Variants in HMCN2 observed in about 807,000 individuals in gnomAD.
The protein encoded by HMCN2 is hemicentin 2.
HMCN2 carries 325 observed loss-of-function variants against 377.5 expected under a neutral mutation model. The observed-to-expected ratio is 0.86, with a 90% CI of 0.79 to 0.94. HMCN2 has a LOEUF of 0.94. HMCN2 is among the 40% of genes least tolerant of loss of function. HMCN2 has a pLI of 0.00. For missense variants in HMCN2, 4,543 were observed against 4,725.3 expected, an observed-to-expected ratio of 0.96 and a Z score of 1.13; for synonymous variants, 2,007 against 2,046.8, an observed-to-expected ratio of 0.98 and a Z score of 0.53.
chr9:130,283,918 T>C (rs1477479644), intron 1 of HMCN2, among the ~76,000 whole-genome samples: 1 of 151,798 alleles, frequency 6.6e-6, no homozygotes, highest in African/African-American at 2.4e-5. Flanking sequence ...TTCATTTCTC[T>C]TGGGGACATA....
At chr9:130,400,970 G>A (rs1325945074) in intron 77 of HMCN2, 23 bp downstream of exon 77, 2 of 1,277,192 alleles carry the variant, frequency 1.6e-6, no homozygotes, top group East Asian at 5.7e-5. Flanking sequence ...AAGCCACAGA[G>A]AGAGGCAGCT....
chr9:130,403,468 C>A, intron 79 of HMCN2, 140 bp downstream of exon 79: 2 of 975,512 alleles, frequency 2.1e-6, no homozygotes, highest in Non-Finnish European at 2.7e-6. Context: ...CCCAGATACG[C>A]CCCCACCCTT....
At position 130,428,906 on chromosome 9, in the gene HMCN2, T is replaced by C. The variant is rs1470572965; in HGVS notation, c.14197+417T>C. ...ACAGTGGAACAGGTTCAGTCAGCCT[T>C]TGAGATAAAACTTAGGTGCCACCCC... is the stretch of plus-strand genomic sequence containing the variant. On this transcript the variant is annotated intron_variant, in intron 93 of 97. Transcript: ENST00000683500. This position sits in a 1 kb window ranked among gnomAD's most constrained non-coding sequence, Gnocchi z 5.0. Among the ~76,000 whole-genome samples, 1 of 152,180 alleles carries C rather than the reference T, an allele frequency of 6.6e-6. No homozygotes were observed. Among genetic ancestry groups the C allele is most frequent in the Admixed American group, 6.5e-5 (1 of 15,288 alleles).
At chr9:130,378,167 T>C (rs1484675874) in intron 53 of HMCN2, among the ~76,000 whole-genome samples, 1 of 151,854 alleles carries the variant, frequency 6.6e-6, no homozygotes, top group African/African-American at 2.4e-5. Context: ...GCCTCAATGG[T>C]TGAAACTGCC....
intron 19 of HMCN2, among the ~76,000 whole-genome samples, chr9:130,322,548 T>C (rs1490833237): frequency 6.6e-5 from 10 of 152,218 alleles, no homozygotes; most frequent in Non-Finnish European, 2.9e-5. Context: ...GGGATGATCA[T>C]GTCCCCTGAT....
Position 130,393,732 on chromosome 9 carries a change from C to A in HMCN2, c.10235-10C>A. 8.1e-7 allele frequency: 1 copy of A among 1,228,292 alleles called. No homozygotes were observed. Among genetic ancestry groups the A allele is most frequent in the South Asian group, 1.4e-5 (1 of 70,500 alleles). The allele number at this position is 1,228,292 out of a possible 1,614,324, so 76.1% of individuals were successfully genotyped here. ...AAAATGGTTCCTGCCCACCTTTCTG[C>A]CCTCCATAGTGCCCCCTGTCCTGGA... On this transcript the variant is annotated splice_polypyrimidine_tract_variant and intron_variant, in intron 67 of 97. Coordinates refer to ENST00000683500, the MANE Select transcript of HMCN2 (RefSeq NM_001291815.2). This position sits in a 1 kb window ranked among gnomAD's most constrained non-coding sequence, Gnocchi z 5.2.
intron 48 of HMCN2, among the ~76,000 whole-genome samples, chr9:130,373,691 AGATGGATGGATAGGTAGATGGATGGATG>A (rs1841194772): frequency 1.8e-5 from 1 of 54,094 alleles, no homozygotes; most frequent in Non-Finnish European, 4.9e-5. Flanking sequence ...ATGGATGGAT[AGATGGATGGATAGGTAGATGGATGGATG>A]GATGGATGGA....
rs373221850 is a variant in HMCN2 at position 130,351,162 on chromosome 9, C to T, written c.4431-261C>T. Among the ~76,000 whole-genome samples, 16 of 152,298 alleles carry T rather than the reference C, an allele frequency of 1.1e-4. No individual in the cohort carries two copies. Among genetic ancestry groups the T allele is most frequent in the African/African-American group, 3.1e-4 (13 of 41,568 alleles). ...CCTTTTGTGTCTGGCTTCTTCCACTCGGCATATTTTCCAGGTTCATCCATA... is the reference window on the plus strand; with the variant it reads ...CCTTTTGTGTCTGGCTTCTTCCACTTGGCATATTTTCCAGGTTCATCCATA... On this transcript the variant is annotated intron_variant, in intron 29 of 97. Coordinates refer to ENST00000683500, the MANE Select transcript of HMCN2 (RefSeq NM_001291815.2). The surrounding 1 kb of genome is among the most constrained non-coding windows in gnomAD (Gnocchi z 5.4).
At position 130,360,313 on chromosome 9, in the gene HMCN2, T is replaced by C. The variant is rs1840302973; in HGVS notation, c.5774-115T>C. On this transcript the variant is annotated intron_variant, in intron 37 of 97. Coordinates refer to ENST00000683500, the MANE Select transcript of HMCN2 (RefSeq NM_001291815.2). The surrounding 1 kb of genome is among the most constrained non-coding windows in gnomAD (Gnocchi z 4.7). ...CTTGCTTCTCTCTTCCATTCCCCCT[T>C]GCATCTCTCTTCCTTTCCCCCTTGC... 4 of 572,674 alleles carry C rather than the reference T, an allele frequency of 7.0e-6. No individual in the cohort carries two copies. Among genetic ancestry groups the C allele is most frequent in the Admixed American group, 4.2e-5 (1 of 23,928 alleles). The allele number at this position is 572,674 out of a possible 1,614,324, so 35.5% of individuals were successfully genotyped here.
intron 89 of HMCN2, 34 bp downstream of exon 89, chr9:130,425,164 G>T (rs1050904950): frequency 6.6e-7 from 1 of 1,504,462 alleles, no homozygotes. Context: ...TGCAGACAGG[G>T]TAGGTGAGAG....
At chr9:130,328,698 C>T (rs1296081628) in intron 22 of HMCN2, among the ~76,000 whole-genome samples, 1 of 152,178 alleles carries the variant, frequency 6.6e-6, no homozygotes, top group South Asian at 2.1e-4. Context: ...TCCGCAGACC[C>T]GGTGCCGAAC....
intron 25 of HMCN2, among the ~76,000 whole-genome samples, chr9:130,345,914 G>A (rs1009882060): frequency 3.2e-4 from 48 of 152,092 alleles, no homozygotes; most frequent in African/African-American, 1.1e-3. Flanking sequence ...TGATGCCAGT[G>A]TGCCTTCCAC....
chr9:130,417,771 C>CTGTG (rs1843776677), intron 85 of HMCN2, among the ~76,000 whole-genome samples: 1 of 152,202 alleles, frequency 6.6e-6, no homozygotes, highest in Non-Finnish European at 1.5e-5. Flanking sequence ...CTCCTGGCCT[C>CTGTG]CACAGTTTCT....
chr9:130,419,081 A>G, intron 86 of HMCN2, 40 bp downstream of exon 86: 1 of 1,452,080 alleles, frequency 6.9e-7, no homozygotes, highest in South Asian at 1.5e-5. Flanking sequence ...GGACAGAGGC[A>G]GGATCTCTTG....
At chr9:130,288,928 C>T (rs1308797468) in intron 4 of HMCN2, among the ~76,000 whole-genome samples, 1 of 152,178 alleles carries the variant, frequency 6.6e-6, no homozygotes, top group Non-Finnish European at 1.5e-5. Flanking sequence ...GCAACGTGGC[C>T]CCTTGAACCT....
At chr9:130,300,834 CTT>C (rs1554934133) in intron 8 of HMCN2, among the ~76,000 whole-genome samples, 3 of 152,222 alleles carry the variant, frequency 2.0e-5, no homozygotes, top group Admixed American at 2.0e-4. Flanking sequence ...AAGGGTGGAT[CTT>C]TGGCCTTTCA....
chr9:130,433,951 A>C lies in HMCN2; in HGVS notation c.*258A>C. ...CAGGGCCCGGGGAAGCCCGGATCAGACCTCCAGGTCTGATCCGCCCCTCAG... is the reference window on the plus strand; with the variant it reads ...CAGGGCCCGGGGAAGCCCGGATCAGCCCTCCAGGTCTGATCCGCCCCTCAG... On this transcript the variant is annotated 3_prime_UTR_variant, in exon 98 of 98. Transcript: ENST00000683500. 2 of 412,218 alleles carry C rather than the reference A, an allele frequency of 4.9e-6. No homozygotes were observed. Among genetic ancestry groups the C allele is most frequent in the Non-Finnish European group, 8.5e-6 (2 of 234,360 alleles). 25.5% of individuals were successfully genotyped at this position (412,218 alleles called of 1,614,324 possible).
chr9:130,298,146 G>A (rs1836268494), intron 7 of HMCN2, among the ~76,000 whole-genome samples: 1 of 152,162 alleles, frequency 6.6e-6, no homozygotes, highest in South Asian at 2.1e-4. Context: ...TAGAGACAGG[G>A]TTTTGCCATG....
At chr9:130,379,831 T>C (rs1841606508) in intron 54 of HMCN2, among the ~76,000 whole-genome samples, 1 of 152,236 alleles carries the variant, frequency 6.6e-6, no homozygotes, top group African/African-American at 2.4e-5. Flanking sequence ...CACACTGTGG[T>C]GGCTGAACTC....
Sources: gnomAD v4.1 joint callset for allele counts (sites outside exome capture counted in the v4.1 genomes callset) on GRCh38, gnomAD v4.1.1 for gene constraint, Gnocchi (gnomAD v3.1) non-coding constraint, MANE v1.5 for transcripts, NCBI Gene and HGNC (gene_info 2026-07-23, HGNC 2026-07-21) for gene names.